Variants in SEPTIN2 observed in about 807,000 individuals in gnomAD.
SEPTIN2 encodes the protein septin 2.
A neutral mutation model predicts 46.5 loss-of-function variants in SEPTIN2; 34 were observed. The ratio of observed to expected loss-of-function variants is 0.73; its 90% CI spans 0.56 to 0.97. The LOEUF is 0.97. SEPTIN2 is among the 50% of genes least tolerant of loss of function. The probability of loss-of-function intolerance (pLI) is 0.00; values close to 1 mark genes in which losing one functional copy is unlikely to be tolerated. For missense variants in SEPTIN2, 347 were observed against 448.4 expected (o/e 0.77, Z 2.04); for synonymous variants, 175 against 153.4 (o/e 1.14, Z -1.04).
At chr2:241,345,539 G>A (rs1285416162) in intron 9 of SEPTIN2, among the ~76,000 whole-genome samples, 3 of 152,172 alleles carry the variant, frequency 2.0e-5, no homozygotes, top group Non-Finnish European at 2.9e-5. Flanking sequence ...CAATAGGAAC[G>A]TGTTACAATG....
chr2:241,324,272 A>C (rs767793651), intron 2 of SEPTIN2, 31 bp downstream of exon 2: 1 of 1,589,340 alleles, frequency 6.3e-7, no homozygotes. Flanking sequence ...TCTACAGCAT[A>C]AGGAGAAATT....
intron 7 of SEPTIN2, among the ~76,000 whole-genome samples, chr2:241,338,501 A>T (rs1456256035): frequency 2.0e-5 from 3 of 149,406 alleles, no homozygotes; most frequent in Non-Finnish European, 4.4e-5. Context: ...GGGTAGGGGG[A>T]TACAGCAGGG....
At chr2:241,316,346 A>G in intron 1 of SEPTIN2, 1 of 619,312 alleles carries the variant, frequency 1.6e-6, no homozygotes, top group Non-Finnish European at 2.6e-6. Context: ...GAGGGAGGAT[A>G]CAGGTTTAGG....
At chr2:241,347,149 A>C (rs1164860333) in intron 10 of SEPTIN2, among the ~76,000 whole-genome samples, 2 of 152,000 alleles carry the variant, frequency 1.3e-5, no homozygotes, top group Non-Finnish European at 2.9e-5. Flanking sequence ...CCCAGCTACT[A>C]GGGGGAGGAT....
At chr2:241,339,234 A>AT (rs1299400741) in intron 7 of SEPTIN2, among the ~76,000 whole-genome samples, 1 of 151,326 alleles carries the variant, frequency 6.6e-6, no homozygotes, top group Non-Finnish European at 1.5e-5. Flanking sequence ...TCTCTAAAAA[A>AT]TTACAAAAGT....
At chr2:241,343,630 G>C (rs915343134) in intron 8 of SEPTIN2, 122 bp from the exon 9 acceptor site, 1 of 1,070,394 alleles carries the variant, frequency 9.3e-7, no homozygotes, top group African/African-American at 1.6e-5. Flanking sequence ...CATACCCCCA[G>C]CTTTCCAATT....
chr2:241,348,102 G>C (rs116145546), intron 10 of SEPTIN2, 32 bp from the exon 11 acceptor site: 1 of 1,564,108 alleles, frequency 6.4e-7, no homozygotes, highest in African/African-American at 1.4e-5. Flanking sequence ...ATTTGTTGCA[G>C]TGTTATGATT....
intron 7 of SEPTIN2, among the ~76,000 whole-genome samples, chr2:241,339,189 G>A (rs1200204470): frequency 2.7e-5 from 4 of 149,916 alleles, no homozygotes; most frequent in South Asian, 2.1e-4. Context: ...AGGTCAGGAG[G>A]TCGAGACCAG....
chr2:241,317,975 C>T (rs2076614225), intron 1 of SEPTIN2, among the ~76,000 whole-genome samples: 2 of 152,152 alleles, frequency 1.3e-5, no homozygotes, highest in African/African-American at 4.8e-5. Flanking sequence ...AAGTTAATCA[C>T]AGTGCTTGGC....
chr2:241,334,975 C>T (rs558018534), intron 3 of SEPTIN2, 151 bp from the exon 4 acceptor site: 1 of 604,348 alleles, frequency 1.7e-6, no homozygotes, highest in African/African-American at 1.9e-5. Flanking sequence ...CCTCAAAGAT[C>T]ATACTGCAAA....
intron 3 of SEPTIN2, among the ~76,000 whole-genome samples, chr2:241,331,540 G>A (rs761578647): frequency 1.3e-5 from 2 of 152,098 alleles, no homozygotes; most frequent in Non-Finnish European, 1.5e-5. Context: ...ACAGGCATGC[G>A]CCACCACGCC....
At chr2:241,348,107 A>T (rs1462777095) in intron 10 of SEPTIN2, 27 bp from the exon 11 acceptor site, 1 of 1,591,686 alleles carries the variant, frequency 6.3e-7, no homozygotes, top group South Asian at 1.1e-5. Flanking sequence ...TTGCAGTGTT[A>T]TGATTCTGAT....
At chr2:241,345,831 A>G (rs1291987714) in intron 9 of SEPTIN2, among the ~76,000 whole-genome samples, 1 of 152,212 alleles carries the variant, frequency 6.6e-6, no homozygotes, top group Non-Finnish European at 1.5e-5. Context: ...TATTTCAGAC[A>G]TTGTTGACCT....
chr2:241,336,427 G>C (rs1218302386), intron 5 of SEPTIN2: 2 of 278,622 alleles, frequency 7.2e-6, no homozygotes, highest in Non-Finnish European at 1.4e-5. Flanking sequence ...ACCTGTTAGA[G>C]AGTGGGTTGA....
chr2:241,344,990 G>A (rs62193175), intron 9 of SEPTIN2, among the ~76,000 whole-genome samples: 16,839 of 151,030 alleles, frequency 0.11, 1,182 homozygotes, highest in Non-Finnish European at 0.15. Flanking sequence ...GGTGGGTGCC[G>A]GTATTCTCAG....
chr2:241,328,944 C>T (rs181894082), intron 3 of SEPTIN2, among the ~76,000 whole-genome samples: 2,500 of 140,614 alleles, frequency 0.018, 46 homozygotes, highest in African/African-American at 0.047. Flanking sequence ...CACTTGAACC[C>T]GGGAGGTGGA....
intron 3 of SEPTIN2, among the ~76,000 whole-genome samples, chr2:241,331,160 CAG>C (rs1214933101): frequency 6.6e-6 from 1 of 152,080 alleles, no homozygotes; most frequent in African/African-American, 2.4e-5. Context: ...GCCTGCATGA[CAG>C]AGCGAGACTC....
In SEPTIN2 at chr2:241,335,956, A is replaced by G; in HGVS notation, c.218-19A>G. Reference sequence around the variant, plus strand: ...TCACATGCTGCTTATATTCCCTATTAAGTTTGTTTCTTTTCTAGAAAAAAT... The same window carrying G: ...TCACATGCTGCTTATATTCCCTATTGAGTTTGTTTCTTTTCTAGAAAAAAT... On this transcript the variant is annotated intron_variant, in intron 4 of 12. Coordinates refer to ENST00000391971, the MANE Select transcript of SEPTIN2 (RefSeq NM_004404.5). The G allele has an allele frequency of 6.2e-7, 1 of 1,613,982 alleles. No individual in the cohort carries two copies. The highest frequency in any genetic ancestry group is 1.1e-5 in the South Asian group (1 of 91,068).
chr2:241,322,088 A>G (rs2077209691), intron 1 of SEPTIN2, among the ~76,000 whole-genome samples: 1 of 152,194 alleles, frequency 6.6e-6, no homozygotes, highest in Non-Finnish European at 1.5e-5. Context: ...GTAGCTGGGA[A>G]CATTTCCAGT....
Sources: gnomAD v4.1 joint callset for allele counts (sites outside exome capture counted in the v4.1 genomes callset) on GRCh38, gnomAD v4.1.1 for gene constraint, MANE v1.5 for transcripts, NCBI Gene and HGNC (gene_info 2026-07-23, HGNC 2026-07-21) for gene names.